The following USP48 variants were observed in gnomAD, a reference collection of about 807,000 sequenced individuals.
The protein encoded by USP48 is ubiquitin specific peptidase 48, also known as ubiquitin carboxyl-terminal hydrolase 48.
USP48 carries 43 observed loss-of-function variants against 150.7 expected under a neutral mutation model. That is an observed-to-expected ratio of 0.29 (90% CI 0.22 to 0.37). The LOEUF is 0.37. Among genes scored for constraint, USP48 ranks in the 10% least tolerant of loss-of-function variants. USP48 has a pLI of 1.00. For synonymous variants in USP48, 396 were observed against 425.9 expected (o/e 0.93, Z 0.86); for missense variants, 813 against 1,249.6 (o/e 0.65, Z 5.27).
At chr1:21,711,283 C>T (rs2097689454) in intron 15 of USP48, among the ~76,000 whole-genome samples, 1 of 152,060 alleles carries the variant, frequency 6.6e-6, no homozygotes, top group Non-Finnish European at 1.5e-5. Context: ...AAACTGGGTC[C>T]TCATGAAGTA....
chr1:21,749,176 T>C (rs2097802727), intron 6 of USP48, among the ~76,000 whole-genome samples: 2 of 152,160 alleles, frequency 1.3e-5, no homozygotes, highest in Non-Finnish European at 2.9e-5. Flanking sequence ...TTGTACCATA[T>C]TGTACTTACC....
intron 15 of USP48, among the ~76,000 whole-genome samples, chr1:21,714,380 T>C (rs2097698661): frequency 6.6e-6 from 1 of 152,136 alleles, no homozygotes; most frequent in African/African-American, 2.4e-5. Context: ...GGTCAAGTGA[T>C]CCTCTCACCC....
intron 1 of USP48, among the ~76,000 whole-genome samples, chr1:21,780,196 A>G (rs1481889021): frequency 6.6e-6 from 1 of 152,254 alleles, no homozygotes; most frequent in Non-Finnish European, 1.5e-5. Context: ...AAAATGTGGT[A>G]TTATCCATAA....
chr1:21,723,450 G>A (rs1045713797), intron 12 of USP48, among the ~76,000 whole-genome samples: 6 of 151,186 alleles, frequency 4.0e-5, no homozygotes, highest in Non-Finnish European at 2.9e-5. Flanking sequence ...GGAGGCGAAG[G>A]TTGCAGTGAG....
chr1:21,741,184 T>C (rs2097780666), intron 8 of USP48, among the ~76,000 whole-genome samples: 1 of 152,138 alleles, frequency 6.6e-6, no homozygotes, highest in Non-Finnish European at 1.5e-5. Flanking sequence ...GTTTTCCTAC[T>C]AGAAAACCAG....
At chr1:21,718,392 G>A (rs2097710610) in intron 14 of USP48, among the ~76,000 whole-genome samples, 1 of 152,160 alleles carries the variant, frequency 6.6e-6, no homozygotes, top group Non-Finnish European at 1.5e-5. Context: ...TGTCACATTT[G>A]TGCTGCTTGA....
Position 21,706,735 on chromosome 1 carries a change from G to A in USP48, c.2088+9C>T, listed in dbSNP as rs56167338. The A allele has an allele frequency of 0.2, 315,528 of 1,611,520 alleles. 33,846 individuals are homozygous for A. The highest frequency in any genetic ancestry group is 0.23 in the South Asian group (21,105 of 90,754). ...TGCCATTTCCCCAGATGTCAGTAGC[G>A]TTCAGTACCTTGCACTGTGAACAGC... On this transcript the variant is annotated intron_variant, in intron 16 of 26. Coordinates refer to ENST00000308271, the MANE Select transcript of USP48 (RefSeq NM_032236.8).
chr1:21,702,748 T>C (rs762217569), intron 21 of USP48, among the ~76,000 whole-genome samples: 4 of 152,180 alleles, frequency 2.6e-5, no homozygotes, highest in Non-Finnish European at 5.9e-5. Flanking sequence ...AGACCAGCAA[T>C]AGCCACTAGG....
chr1:21,713,089 TCTCA>T (rs370003064), intron 15 of USP48, among the ~76,000 whole-genome samples: 34 of 152,062 alleles, frequency 2.2e-4, no homozygotes, highest in African/African-American at 7.7e-4. Flanking sequence ...TCTTTCTCTT[TCTCA>T]CTCTCTCTTT....
intron 14 of USP48, among the ~76,000 whole-genome samples, chr1:21,716,569 C>T (rs1418286854): frequency 1.3e-5 from 2 of 152,186 alleles, no homozygotes; most frequent in Non-Finnish European, 2.9e-5. Flanking sequence ...AAAGCAAAAC[C>T]TTGCATAAGG....
At chr1:21,704,111 C>T (rs1057207651) in intron 20 of USP48, 151 bp downstream of exon 20, 2 of 820,662 alleles carry the variant, frequency 2.4e-6, no homozygotes, top group South Asian at 3.8e-5. Context: ...AATAAACGTA[C>T]AAATAATGGG....
chr1:21,707,631 G>C (rs528435620), intron 15 of USP48, among the ~76,000 whole-genome samples: 17 of 152,302 alleles, frequency 1.1e-4, no homozygotes, highest in African/African-American at 4.1e-4. Context: ...TTCCCAAGCA[G>C]TAAGTTAGTG....
chr1:21,680,887 A>G (rs2097563922), intron 25 of USP48, 53 bp from the exon 26 acceptor site: 7 of 1,417,116 alleles, frequency 4.9e-6, no homozygotes, highest in Non-Finnish European at 6.8e-6. Flanking sequence ...GTCGTGACAG[A>G]CAGTAATATC....
intron 8 of USP48, 36 bp from the exon 9 acceptor site, chr1:21,736,661 A>G (rs757800099): frequency 3.1e-5 from 42 of 1,374,774 alleles, no homozygotes; most frequent in Non-Finnish European, 3.6e-5. Context: ...GAAACGTTGG[A>G]TAACAGTTAT....
Position 21,695,241 on chromosome 1 carries a change from T to C in USP48, c.2728-20A>G. 3 of 1,580,936 alleles carry C rather than the reference T, an allele frequency of 1.9e-6. No homozygotes were observed. Among genetic ancestry groups the C allele is most frequent in the Admixed American group, 3.7e-5 (2 of 54,150 alleles). ...ATTGCTCTATAATGAAGATTGGAAA[T>C]GAAGAAAGCACTGAAATTAACCACA... On this transcript the variant is annotated intron_variant, in intron 22 of 26. Coordinates refer to ENST00000308271, the MANE Select transcript of USP48 (RefSeq NM_032236.8).
chr1:21,772,658 G>A (rs1340665489), intron 1 of USP48, among the ~76,000 whole-genome samples: 2 of 148,586 alleles, frequency 1.3e-5, no homozygotes, highest in South Asian at 2.1e-4. Context: ...GTGGTGGCTC[G>A]CGCCTATAAT....
chr1:21,685,056 T>G (rs886496236), intron 25 of USP48, among the ~76,000 whole-genome samples: 1 of 152,170 alleles, frequency 6.6e-6, no homozygotes, highest in African/African-American at 2.4e-5. Flanking sequence ...TAGGATTGTG[T>G]TTTTCTATTT....
chr1:21,723,288 G>T (rs1287533720), intron 12 of USP48, among the ~76,000 whole-genome samples: 1 of 152,002 alleles, frequency 6.6e-6, no homozygotes, highest in African/African-American at 2.4e-5. Context: ...GGAGGGCGAG[G>T]TTGAGTGGAT....
intron 24 of USP48, 123 bp from the exon 25 acceptor site, chr1:21,687,362 T>C: frequency 1.1e-6 from 1 of 931,594 alleles, no homozygotes; most frequent in Non-Finnish European, 1.6e-6. Context: ...AGTAGATAAC[T>C]CAGTTTCAGC....
Sources: allele counts gnomAD v4.1 joint callset (sites outside exome capture counted in the v4.1 genomes callset), GRCh38; gene constraint gnomAD v4.1.1; transcripts MANE v1.5; gene names NCBI Gene and HGNC (gene_info 2026-07-23, HGNC 2026-07-21).